Variants in PHLPP2 observed in about 807,000 individuals in gnomAD.
PHLPP2 encodes PH domain and leucine rich repeat protein phosphatase 2, also known as PH domain leucine-rich repeat-containing protein phosphatase 2.
A neutral mutation model predicts 124.9 loss-of-function variants in PHLPP2; 66 were observed. The ratio of observed to expected loss-of-function variants is 0.53; its 90% CI spans 0.43 to 0.65. The LOEUF is 0.65. Among genes scored for constraint, PHLPP2 ranks in the 30% least tolerant of loss-of-function variants. The probability of loss-of-function intolerance (pLI) is 0.00; values close to 1 mark genes in which losing one functional copy is unlikely to be tolerated. For synonymous variants in PHLPP2, 681 were observed against 624.7 expected, an observed-to-expected ratio of 1.09 and a Z score of -1.34; for missense variants, 1,685 against 1,600.4, an observed-to-expected ratio of 1.05 and a Z score of -0.90.
chr16:71,676,290 A>G (rs1441761974), intron 9 of PHLPP2, among the ~76,000 whole-genome samples, 157 bp downstream of exon 9: 1 of 152,148 alleles, frequency 6.6e-6, no homozygotes, highest in Non-Finnish European at 1.5e-5. Flanking sequence ...GCAACCACTT[A>G]AGTATTGACA....
chr16:71,709,327 C>T (rs372726122), intron 2 of PHLPP2, among the ~76,000 whole-genome samples: 3 of 152,006 alleles, frequency 2.0e-5, no homozygotes, highest in Non-Finnish European at 4.4e-5. Flanking sequence ...TCCCAAATCC[C>T]AAGGGTGCTA....
In PHLPP2 at chr16:71,649,364, C is replaced by A. The variant is rs1436386050; in HGVS notation, c.3498G>T (p.Glu1166Asp). 1 of 1,613,424 alleles carries A rather than the reference C, an allele frequency of 6.2e-7. No homozygotes were observed. Among genetic ancestry groups the A allele is most frequent in the African/African-American group, 1.3e-5 (1 of 74,874 alleles). Residue 1166 changes from glutamate to aspartate, a missense_variant, in exon 19 of 19, where the codon GAG (glutamate) becomes GAT (aspartate). Physicochemically the swap from Glu to Asp is conservative, Grantham distance 45. Transcript: ENST00000568954. The part of the protein sequence containing the change: ...EGVITNGSKV[E>D]VEVDIHCCRG... ...TGCAGCAGTGGATGTCTACTTCCAC[C>A]TCTACCTTGCTGCCATTGGTTATGA... is the stretch of plus-strand genomic sequence containing the variant.
At chr16:71,671,086 G>A (rs548797244) in intron 10 of PHLPP2, among the ~76,000 whole-genome samples, 5 of 152,084 alleles carry the variant, frequency 3.3e-5, no homozygotes, top group Non-Finnish European at 7.4e-5. Flanking sequence ...TTGTAGTGGT[G>A]TCTACTTGGA....
rs8048210 is a variant in PHLPP2 at position 71,683,502 on chromosome 16, G to A, written c.735+974C>T. Among the ~76,000 whole-genome samples the A allele has an allele frequency of 4.6e-3, 695 of 152,120 alleles. 6 individuals carry two copies. Among genetic ancestry groups the A allele is most frequent in the African/African-American group, 0.016 (648 of 41,516 alleles). On this transcript the variant is annotated intron_variant, in intron 5 of 18. Transcript: ENST00000568954. ...TTATGGAATGAATCCATCTATCACTGACTATTACGGTTGAGGGAAGGTCAT... is the reference window on the plus strand; with the variant it reads ...TTATGGAATGAATCCATCTATCACTAACTATTACGGTTGAGGGAAGGTCAT...
Position 71,658,744 on chromosome 16 carries a change from G to T in PHLPP2, c.2057C>A (p.Thr686Asn), listed in dbSNP as rs1277232469. 1 of 1,614,100 alleles carries T rather than the reference G, an allele frequency of 6.2e-7. No individual in the cohort carries two copies. The highest frequency in any genetic ancestry group is 8.5e-7 in the Non-Finnish European group (1 of 1,179,996). ...SGNKLKTIPTTIANCKRLHTL... is the reference protein window; with the variant it reads ...SGNKLKTIPTNIANCKRLHTL... ...GTGCAGCCTTTTACAGTTTGCTATG[G>T]TTGTGGGAATGGTTTTAAGCTTGTT... The change falls in exon 14 of 19, where the codon ACC becomes AAC. Residue 686 changes from threonine (T) to asparagine (N), a missense_variant. Thr to Asn is a moderately conservative substitution (Grantham distance 65). Transcript: ENST00000568954.
rs1041872076 is a variant in PHLPP2, at chr16:71,704,044, C to T, written c.285-1313G>A. Among the ~76,000 whole-genome samples the T allele has an allele frequency of 8.5e-5, 13 of 152,156 alleles. No homozygotes were observed. In the East Asian group the frequency reaches 1.9e-3, roughly 23 times the overall value. On this transcript the variant is annotated intron_variant, in intron 2 of 18. Transcript: ENST00000568954. The stretch of plus-strand genomic sequence containing the variant: ...CCTGTTCAGAAAACTTAAGAATAGC[C>T]GGGCGCAGTGGCTCACGCCTGTAAT...
At chr16:71,653,729 G>T (rs888539191) in intron 17 of PHLPP2, among the ~76,000 whole-genome samples, 2 of 152,162 alleles carry the variant, frequency 1.3e-5, no homozygotes, top group African/African-American at 4.8e-5. Flanking sequence ...CCTGGCTTGA[G>T]TTGCTTCATA....
intron 18 of PHLPP2, among the ~76,000 whole-genome samples, chr16:71,651,151 C>G (rs1451590832): frequency 6.6e-6 from 1 of 152,050 alleles, no homozygotes; most frequent in African/African-American, 2.4e-5. Context: ...CCAGCCTGAC[C>G]AACATGGAAA....
chr16:71,715,970 T>C (rs2045360162), intron 1 of PHLPP2, among the ~76,000 whole-genome samples: 2 of 149,560 alleles, frequency 1.3e-5, no homozygotes, highest in Non-Finnish European at 1.5e-5. Context: ...CACTCCAGTC[T>C]GGGCAACAGA....
chr16:71,715,695 T>C (rs2045357754), intron 1 of PHLPP2, among the ~76,000 whole-genome samples: 2 of 150,840 alleles, frequency 1.3e-5, no homozygotes, highest in South Asian at 2.1e-4. Flanking sequence ...AAAGAAACTT[T>C]AGGCTGGGCA....
In PHLPP2 at chr16:71,676,633, T is replaced by G. The variant is rs2044948701; in HGVS notation, c.1285A>C (p.Thr429Pro). ...CCCTCCAGATTTTCAATAACCATGG[T>G]TTTCAAATGGTTCATCCTTAATACG... ...HVDLRMNHLK[T>P]MVIENLEGNK... is the part of the protein sequence containing the mutation. Residue 429 changes from threonine (T) to proline (P), a missense_variant, in exon 9 of 19, where the codon ACC becomes CCC. Physicochemically the swap from Thr to Pro is conservative, Grantham distance 38. Transcript: ENST00000568954. 6.2e-7 allele frequency: 1 copy of G among 1,611,504 alleles called. No individual in the cohort carries two copies. Among genetic ancestry groups the G allele is most frequent in the South Asian group, 1.1e-5 (1 of 91,034 alleles).
intron 8 of PHLPP2, chr16:71,677,793 A>G (rs2044961076): frequency 6.6e-6 from 1 of 152,172 alleles, no homozygotes; most frequent in Non-Finnish European, 1.5e-5. Context: ...AACCCTTAAC[A>G]TTTTAATTGT....
Position 71,658,479 on chromosome 16 carries a change from T to C in PHLPP2, c.2149-116A>G, listed in dbSNP as rs531294113. ...GAGGAACTTAATTTCTTCCCAGGAA[T>C]CCATTACATAAATTCTGGTCCCAAA... On this transcript the variant is annotated intron_variant, in intron 14 of 18. Transcript: ENST00000568954. 71 of 1,201,968 alleles carry C rather than the reference T, an allele frequency of 5.9e-5. No homozygotes were observed. In the South Asian group the frequency reaches 1.0e-3, roughly 17 times the overall value. The allele number at this position is 1,201,968 out of a possible 1,614,324, so 74.5% of individuals were successfully genotyped here. A position where few individuals can be genotyped will look rare whatever the true frequency, so the allele number is the denominator to read the frequency against.
rs751913786 is a variant in PHLPP2, at chr16:71,649,596, A to T, written c.3266T>A (p.Val1089Glu). The change falls in exon 19 of 19, where the codon GTG becomes GAG. Residue 1089 changes from valine (V) to glutamate (E), a missense_variant. Transcript: ENST00000568954. ...EFSSEMSTSE[V>E]SSEVGSTASD... is the part of the protein sequence containing the mutation. ...AGCAGTGGACCCCACTTCACTGCTC[A>T]CCTCTGAGGTGGACATCTCACTGCT... 23 of 1,614,072 alleles carry T rather than the reference A, an allele frequency of 1.4e-5. No homozygotes were observed. Among genetic ancestry groups the T allele is most frequent in the Non-Finnish European group, 1.9e-5 (23 of 1,179,986 alleles).
At chr16:71,714,958 G>C in intron 1 of PHLPP2, 157 bp from the exon 2 acceptor site, 1 of 870,790 alleles carries the variant, frequency 1.1e-6, no homozygotes, top group Non-Finnish European at 1.7e-6. Flanking sequence ...ATGCTCATTC[G>C]TAATAACTCA....
chr16:71,722,189 C>G (rs1353430222), intron 1 of PHLPP2, among the ~76,000 whole-genome samples: 1 of 151,964 alleles, frequency 6.6e-6, no homozygotes, highest in Non-Finnish European at 1.5e-5. Flanking sequence ...TCCAACACTT[C>G]GGGAGGCCAA....
At chr16:71,716,191 T>C (rs1473434736) in intron 1 of PHLPP2, among the ~76,000 whole-genome samples, 1 of 152,214 alleles carries the variant, frequency 6.6e-6, no homozygotes, top group African/African-American at 2.4e-5. Flanking sequence ...CACCAAACTT[T>C]ATCCACTCTC....
chr16:71,680,173 A>T (rs1349964385), intron 6 of PHLPP2, among the ~76,000 whole-genome samples: 1 of 152,226 alleles, frequency 6.6e-6, no homozygotes, highest in Non-Finnish European at 1.5e-5. Context: ...ATATGCTTGA[A>T]ATCTTTTTCC....
chr16:71,701,044 G>A (rs2045227607), intron 3 of PHLPP2, among the ~76,000 whole-genome samples: 1 of 152,074 alleles, frequency 6.6e-6, no homozygotes, highest in African/African-American at 2.4e-5. Flanking sequence ...CAGCTGGTGA[G>A]GAACTGAGGC....
Sources: allele counts gnomAD v4.1 joint callset (sites outside exome capture counted in the v4.1 genomes callset), GRCh38; gene constraint gnomAD v4.1.1; transcripts MANE v1.5; gene names NCBI Gene and HGNC (gene_info 2026-07-23, HGNC 2026-07-21).